SLC2A9: variants seen among roughly 807,000 people sequenced by gnomAD.
SLC2A9 encodes the protein solute carrier family 2 member 9.
A neutral mutation model predicts 50.6 loss-of-function variants in SLC2A9; 39 were observed. The ratio of observed to expected loss-of-function variants is 0.77; its 90% CI spans 0.60 to 1.01. The LOEUF (loss-of-function observed/expected upper bound fraction) is 1.01. SLC2A9 is among the 50% of genes least tolerant of loss of function. SLC2A9 has a pLI of 0.00. For synonymous variants in SLC2A9, 324 were observed against 276.9 expected, an observed-to-expected ratio of 1.17 and a Z score of -1.69; for missense variants, 686 against 677.6, an observed-to-expected ratio of 1.01 and a Z score of -0.14.
At chr4:9,955,988 C>T (rs1353242192) in intron 5 of SLC2A9, among the ~76,000 whole-genome samples, 3 of 148,080 alleles carry the variant, frequency 2.0e-5, no homozygotes, top group African/African-American at 7.5e-5. Flanking sequence ...AGCGATTCTC[C>T]TGCTCCAGCC....
At chr4:9,945,767 C>T (rs562750749) in intron 5 of SLC2A9, among the ~76,000 whole-genome samples, 15 of 152,238 alleles carry the variant, frequency 9.9e-5, no homozygotes, top group African/African-American at 3.6e-4. Context: ...CACTTGGTCC[C>T]AACACAGAGC....
intron 6 of SLC2A9, among the ~76,000 whole-genome samples, chr4:9,922,058 T>C (rs912100324): frequency 4.6e-5 from 7 of 152,216 alleles, no homozygotes; most frequent in Admixed American, 2.6e-4. Flanking sequence ...GCTCCATCCA[T>C]GTCCCTGCAA....
chr4:10,010,987 T>C (rs893614835), intron 2 of SLC2A9, among the ~76,000 whole-genome samples: 1 of 152,182 alleles, frequency 6.6e-6, no homozygotes, highest in African/African-American at 2.4e-5. Flanking sequence ...CCTACAATCA[T>C]AGGAAGTGCG....
intron 8 of SLC2A9, among the ~76,000 whole-genome samples, chr4:9,907,834 G>A (rs1046696291): frequency 1.3e-5 from 2 of 152,200 alleles, no homozygotes; most frequent in African/African-American, 4.8e-5. Flanking sequence ...CTCTAGATGG[G>A]TAAAATGTCA....
intron 10 of SLC2A9, among the ~76,000 whole-genome samples, chr4:9,860,825 C>A (rs963520189): frequency 6.6e-6 from 1 of 152,220 alleles, no homozygotes; most frequent in Non-Finnish European, 1.5e-5. Flanking sequence ...CTGGTGCATG[C>A]ATCTTCGGAG....
intron 8 of SLC2A9, among the ~76,000 whole-genome samples, chr4:9,905,625 T>A (rs1365446128): frequency 1.3e-5 from 2 of 152,234 alleles, no homozygotes; most frequent in Non-Finnish European, 2.9e-5. Context: ...TTAAGGAAGA[T>A]GATCTGCCTG....
At chr4:9,779,286 C>A (rs1717995305), downstream of SLC2A9, among the ~76,000 whole-genome samples, 1 of 152,196 alleles carries the variant, frequency 6.6e-6, no homozygotes, top group African/African-American at 2.4e-5. Flanking sequence ...AAACATCTTG[C>A]CTTGGCCAAC....
chr4:10,023,095 T>G (rs960710826), upstream of SLC2A9, among the ~76,000 whole-genome samples: 2 of 152,182 alleles, frequency 1.3e-5, no homozygotes, highest in African/African-American at 4.8e-5. Flanking sequence ...CCCAGGACAG[T>G]GTGGAGGAGG....
chr4:9,848,748 G>A (rs1345613912), intron 10 of SLC2A9, among the ~76,000 whole-genome samples: 6 of 145,836 alleles, frequency 4.1e-5, no homozygotes, highest in Admixed American at 1.4e-4. Flanking sequence ...CACCCAGGCT[G>A]GAGTGGAGTG....
At chr4:9,826,018 T>G (rs1725074221), downstream of SLC2A9, among the ~76,000 whole-genome samples, 1 of 152,198 alleles carries the variant, frequency 6.6e-6, no homozygotes, top group South Asian at 2.1e-4. Flanking sequence ...GAGTCCCCTA[T>G]CAGACCAAAT....
At chr4:10,025,607 A>G (rs1254472186), upstream of SLC2A9, 1 of 393,122 alleles carries the variant, frequency 2.5e-6, no homozygotes, top group Non-Finnish European at 4.7e-6. Context: ...TGACATAATC[A>G]TTGTCAACAT....
chr4:9,962,704 T>C (rs1752467509), intron 5 of SLC2A9, among the ~76,000 whole-genome samples: 1 of 152,110 alleles, frequency 6.6e-6, no homozygotes, highest in Non-Finnish European at 1.5e-5. Context: ...CCTGCGCATA[T>C]ACCCCAGAAC....
upstream of SLC2A9, chr4:10,025,968 G>T (rs1763738089): frequency 4.3e-6 from 7 of 1,614,066 alleles, no homozygotes; most frequent in Non-Finnish European, 5.9e-6. Context: ...GAGCTTCATG[G>T]TTCACTTTTC....
At chr4:10,005,638 C>T (rs1422402078) in intron 2 of SLC2A9, among the ~76,000 whole-genome samples, 1 of 152,162 alleles carries the variant, frequency 6.6e-6, no homozygotes, top group Admixed American at 6.5e-5. Flanking sequence ...GATGTTACGG[C>T]TAGTACTAAC....
chr4:9,773,161 G>A (rs1717071904), intron 1 of SLC2A9, among the ~76,000 whole-genome samples: 1 of 152,232 alleles, frequency 6.6e-6, no homozygotes, highest in Non-Finnish European at 1.5e-5. Context: ...CTGAGCTTTG[G>A]ATTTCAAGAG....
intron 8 of SLC2A9, among the ~76,000 whole-genome samples, chr4:9,905,980 T>C (rs4389579): frequency 0.21 from 32,002 of 152,104 alleles, 3,830 homozygotes; most frequent in African/African-American, 0.32. Context: ...CCCTGTAAAA[T>C]CCTGCTCTCC....
intron 5 of SLC2A9, among the ~76,000 whole-genome samples, chr4:9,951,922 T>TATCA (rs1750350788): frequency 1.3e-5 from 2 of 152,376 alleles, no homozygotes; most frequent in Non-Finnish European, 2.9e-5. Flanking sequence ...GCAGTGGGGT[T>TATCA]AAGCTGACTG....
chr4:9,777,117 G>C (rs1228248996), downstream of SLC2A9, among the ~76,000 whole-genome samples: 1 of 152,026 alleles, frequency 6.6e-6, no homozygotes, highest in African/African-American at 2.4e-5. Context: ...TTTTGAAATT[G>C]TTTATTTCTC....
intron 4 of SLC2A9, among the ~76,000 whole-genome samples, chr4:9,982,830 G>C (rs1487841633): frequency 6.6e-6 from 1 of 152,190 alleles, no homozygotes; most frequent in African/African-American, 2.4e-5. Context: ...ACTACACTAA[G>C]TACTTCAATA....
Sources: gnomAD v4.1 joint callset for allele counts (sites outside exome capture counted in the v4.1 genomes callset) on GRCh38, gnomAD v4.1.1 for gene constraint, MANE v1.5 for transcripts, NCBI Gene and HGNC (gene_info 2026-07-23, HGNC 2026-07-21) for gene names.